Variants in LBR observed in about 807,000 individuals in gnomAD.
The protein encoded by LBR is lamin B receptor, also known as delta(14)-sterol reductase LBR.
In LBR, 28 loss-of-function variants were observed where a neutral mutation model predicts 74.3. The observed-to-expected ratio is 0.38, with a 90% CI of 0.28 to 0.52. LBR has a LOEUF of 0.52. Among genes scored for constraint, LBR ranks in the 20% least tolerant of loss-of-function variants. LBR has a pLI of 0.89. For missense variants in LBR, 717 were observed against 760.3 expected, an observed-to-expected ratio of 0.94 and a Z score of 0.67; for synonymous variants, 228 against 269.3, an observed-to-expected ratio of 0.85 and a Z score of 1.50.
chr1:225,406,363 A>G (rs1030411390), intron 11 of LBR, among the ~76,000 whole-genome samples: 1 of 152,194 alleles, frequency 6.6e-6, no homozygotes, highest in Admixed American at 6.5e-5. Context: ...CTACCAGAAA[A>G]AGCAGGCACT....
intron 7 of LBR, chr1:225,413,926 G>A (rs1192038333): frequency 2.2e-6 from 1 of 456,944 alleles, no homozygotes; most frequent in East Asian, 6.9e-5. Flanking sequence ...TCAGAGGGAA[G>A]TGAAAATATA....
chr1:225,404,679 G>A lies in LBR; in HGVS notation c.1511C>T (p.Ala504Val), dbSNP rs752877544. The A allele has an allele frequency of 6.2e-7, 1 of 1,611,126 alleles. No homozygotes were observed. Among genetic ancestry groups the A allele is most frequent in the South Asian group, 1.1e-5 (1 of 90,974 alleles). Residue 504 changes from alanine (A) to valine (V), a missense_variant, in exon 12 of 14, where the codon GCA (alanine) becomes GTA (valine). Coordinates refer to ENST00000272163, the MANE Select transcript of LBR (RefSeq NM_002296.4). ...KLCGYVIFRG[A>V]NSQKNAFRKN... is the part of the protein sequence containing the mutation. ...CCGGAATGCATTTTTCTGAGAATTTGCACCTCGGAAGATTACATAACCACA... is the reference window on the plus strand; with the variant it reads ...CCGGAATGCATTTTTCTGAGAATTTACACCTCGGAAGATTACATAACCACA...
At chr1:225,419,863 TA>T (rs1341496228) in intron 3 of LBR, 65 bp from the exon 4 acceptor site, 17 of 1,173,246 alleles carry the variant, frequency 1.4e-5, no homozygotes, top group East Asian at 2.3e-5. Context: ...AACATGATGG[TA>T]AAAACTTACT....
intron 7 of LBR, among the ~76,000 whole-genome samples, chr1:225,414,470 G>C (rs1389272218): frequency 6.6e-6 from 1 of 152,202 alleles, no homozygotes; most frequent in Non-Finnish European, 1.5e-5. Context: ...AAATAGATCT[G>C]TACTTTGCCA....
Position 225,423,951 on chromosome 1 carries a change from T to A in LBR, c.125A>T (p.Lys42Ile). ...STSQLYTVKY[K>I]DGTELELKEN... ...TTTCAATTCAAGCTCTGTTCCATCT[T>A]TATACTTCACAGTGTAAAGCTGGGA... Residue 42 changes from lysine to isoleucine, a missense_variant, in exon 2 of 14, where the codon AAA becomes ATA. By Grantham distance (102) the Lys-to-Ile change is moderately radical (BLOSUM62 -3). Transcript: ENST00000272163. 1 of 1,613,960 alleles carries A rather than the reference T, an allele frequency of 6.2e-7. No individual in the cohort carries two copies. Among genetic ancestry groups the A allele is most frequent in the Non-Finnish European group, 8.5e-7 (1 of 1,179,814 alleles).
chr1:225,406,636 T>A, intron 11 of LBR, 28 bp downstream of exon 11: 1 of 1,586,750 alleles, frequency 6.3e-7, no homozygotes, highest in East Asian at 2.2e-5. Flanking sequence ...ATTTAATAAA[T>A]TAAACTGAGA....
intron 10 of LBR, among the ~76,000 whole-genome samples, chr1:225,409,986 T>G (rs952981495): frequency 2.0e-5 from 3 of 152,222 alleles, no homozygotes; most frequent in Non-Finnish European, 2.9e-5. Flanking sequence ...CATTTTCATG[T>G]GATACCATAA....
chr1:225,411,243 C>T, intron 9 of LBR, 94 bp downstream of exon 9: 6 of 871,142 alleles, frequency 6.9e-6, no homozygotes, highest in Non-Finnish European at 1.2e-5. Flanking sequence ...AAAAATATAC[C>T]ACCCACTGCT....
At chr1:225,410,833 G>A (rs1317274615) in intron 9 of LBR, among the ~76,000 whole-genome samples, 3 of 152,318 alleles carry the variant, frequency 2.0e-5, no homozygotes, top group East Asian at 1.9e-4. Flanking sequence ...AACAGAAAAA[G>A]GACAACAGCG....
chr1:225,421,531 T>C (rs1454753212), intron 3 of LBR, among the ~76,000 whole-genome samples: 1 of 152,264 alleles, frequency 6.6e-6, no homozygotes, highest in Non-Finnish European at 1.5e-5. Flanking sequence ...GAGGTTAACA[T>C]TAAGTGAATA....
Position 225,412,542 on chromosome 1 carries a change from C to A in LBR, c.996G>T (p.Ala332=). ...VYSHFLQFAL[A]ATVFCVVLSV... is the part of the protein sequence containing the mutation. ...TCAAGACCACACAAAAAACAGTGGC[C>A]GCAAGTGCAAACTGAAGAAAATGAC... The change falls in exon 8 of 14, where the codon GCG becomes GCT. Residue 332 remains alanine (A), a synonymous_variant. Coordinates refer to ENST00000272163, the MANE Select transcript of LBR (RefSeq NM_002296.4). The A allele has an allele frequency of 1.9e-6, 3 of 1,613,826 alleles. No homozygotes were observed. The highest frequency in any genetic ancestry group is 2.5e-6 in the Non-Finnish European group (3 of 1,179,990).
intron 12 of LBR, 38 bp downstream of exon 12, chr1:225,404,588 A>G: frequency 6.4e-7 from 1 of 1,560,710 alleles, no homozygotes; most frequent in Non-Finnish European, 8.7e-7. Flanking sequence ...TAAAACCTTC[A>G]TGTAATATAT....
At chr1:225,427,531 C>A (rs2096142214) in intron 1 of LBR, 1 of 151,940 alleles carries the variant, frequency 6.6e-6, no homozygotes, top group Admixed American at 6.5e-5. Flanking sequence ...TACTGCAGGA[C>A]CGCGGGGCCG....
At chr1:225,405,360 T>C (rs145954202) in intron 11 of LBR, among the ~76,000 whole-genome samples, 7 of 152,364 alleles carry the variant, frequency 4.6e-5, no homozygotes, top group African/African-American at 1.4e-4. Flanking sequence ...TTGGTTTGAA[T>C]GTGTTCTCCA....
intron 11 of LBR, 37 bp from the exon 12 acceptor site, chr1:225,404,743 A>G (rs745459262): frequency 7.4e-7 from 1 of 1,350,942 alleles, no homozygotes; most frequent in Non-Finnish European, 1.1e-6. Context: ...TTAATAACTT[A>G]GTTATACTCT....
Position 225,424,038 on chromosome 1 carries a change from C to CT in LBR, c.37dup (p.Arg13LysfsTer12). 3 of 1,614,214 alleles carry CT rather than the reference C, an allele frequency of 1.9e-6. No homozygotes were observed. Among genetic ancestry groups the CT allele is most frequent in the Non-Finnish European group, 2.5e-6 (3 of 1,180,018 alleles). On this transcript the variant is annotated frameshift_variant, in exon 2 of 14. Coordinates refer to ENST00000272163, the MANE Select transcript of LBR (RefSeq NM_002296.4). LOFTEE classifies it high-confidence loss of function. ...AAGTGAACTCCCAGGCCATCGACCT[C>CT]TTACCACTTCACCATCGGCAAATTT... is the stretch of plus-strand genomic sequence containing the variant.
chr1:225,425,643 G>C (rs1019211296), intron 1 of LBR, among the ~76,000 whole-genome samples: 2 of 152,138 alleles, frequency 1.3e-5, no homozygotes, highest in Non-Finnish European at 1.5e-5. Flanking sequence ...ATTTAGCTCA[G>C]AGCCTCCAAG....
chr1:225,403,485 A>G (rs1319234238), intron 13 of LBR, 22 bp from the exon 14 acceptor site: 2 of 1,560,430 alleles, frequency 1.3e-6, no homozygotes, highest in Non-Finnish European at 1.8e-6. Context: ...AATAGTACAC[A>G]GTATTAGATA....
At chr1:225,426,438 C>G (rs6673410) in intron 1 of LBR, among the ~76,000 whole-genome samples, 1 of 152,138 alleles carries the variant, frequency 6.6e-6, no homozygotes, top group Non-Finnish European at 1.5e-5. Flanking sequence ...TTCACTGCAC[C>G]CAATGTCCTC....
Sources: allele counts gnomAD v4.1 joint callset (sites outside exome capture counted in the v4.1 genomes callset), GRCh38; gene constraint gnomAD v4.1.1; transcripts MANE v1.5; gene names NCBI Gene and HGNC (gene_info 2026-07-23, HGNC 2026-07-21).